Variants in DPP6 observed in about 807,000 individuals in gnomAD.
DPP6 encodes A-type potassium channel modulatory protein DPP6.
Under a neutral mutation model 122.6 loss-of-function variants are expected in DPP6, and 69 were observed. The observed-to-expected ratio is 0.56, with a 90% CI of 0.46 to 0.69. The LOEUF (loss-of-function observed/expected upper bound fraction) is 0.69. Among genes scored for constraint, DPP6 ranks in the 30% least tolerant of loss-of-function variants. The pLI, the probability that DPP6 is intolerant of heterozygous loss-of-function variation, is 0.00. For synonymous variants in DPP6, 418 were observed against 433.1 expected (o/e 0.97, Z 0.43); for missense variants, 928 against 1,116.9 (o/e 0.83, Z 2.41).
At chr7:153,999,056 C>T (rs955836955) in intron 1 of DPP6, among the ~76,000 whole-genome samples, 1 of 152,250 alleles carries the variant, frequency 6.6e-6, no homozygotes, top group Non-Finnish European at 1.5e-5. Flanking sequence ...TAAGCCCCAT[C>T]ATGCCCCTGT....
chr7:154,011,421 T>G (rs1435005633), intron 1 of DPP6, among the ~76,000 whole-genome samples: 1 of 152,190 alleles, frequency 6.6e-6, no homozygotes, highest in African/African-American at 2.4e-5. Context: ...TTTGGGCCGT[T>G]CCATTGCACA....
At chr7:154,801,285 T>A in intron 12 of DPP6, 70 bp from the exon 13 acceptor site, 1 of 1,543,732 alleles carries the variant, frequency 6.5e-7, no homozygotes, top group South Asian at 1.2e-5. Context: ...GGGTGTATTT[T>A]ATCCTGGTTC....
intron 1 of DPP6, among the ~76,000 whole-genome samples, chr7:154,082,965 C>T (rs970644568): frequency 6.0e-5 from 9 of 151,098 alleles, no homozygotes; most frequent in Non-Finnish European, 1.3e-4. Context: ...TCTCCTGCCT[C>T]AGCCTCCCAA....
chr7:154,557,514 C>T (rs76027425), intron 4 of DPP6, among the ~76,000 whole-genome samples: 4,297 of 152,112 alleles, frequency 0.028, 85 homozygotes, highest in African/African-American at 0.049. Flanking sequence ...ACCCAGTCAC[C>T]GTTAGGCACT....
rs199787820 is a variant in DPP6 at position 154,889,510 on chromosome 7, A to G, written c.2431A>G (p.Lys811Glu). Residue 811 changes from lysine to glutamate, a missense_variant, in exon 25 of 26, where the codon AAG becomes GAG. Physicochemically the swap from Lys to Glu is moderately conservative, Grantham distance 56. Transcript: ENST00000377770. Reference sequence around the variant, plus strand: ...ACTCATTACACAACTAATTAGGGGAAAGGCTAATTACAGCTTACAGGTACA... The same window carrying G: ...ACTCATTACACAACTAATTAGGGGAGAGGCTAATTACAGCTTACAGGTACA... ...AELITQLIRGKANYSLQIYPD... is the reference protein window; with the variant it reads ...AELITQLIRGEANYSLQIYPD... The G allele has an allele frequency of 1.5e-4, 236 of 1,609,984 alleles. No homozygotes were observed. Among genetic ancestry groups the G allele is most frequent in the Non-Finnish European group, 3.3e-5 (39 of 1,178,394 alleles).
intron 1 of DPP6, among the ~76,000 whole-genome samples, chr7:154,023,366 T>C (rs543617655): frequency 1.5e-3 from 154 of 101,566 alleles, no homozygotes; most frequent in African/African-American, 7.1e-3. Flanking sequence ...ACACACTTCT[T>C]AAGTCTGCAT....
At chr7:154,208,769 TA>T (rs879580101) in intron 1 of DPP6, among the ~76,000 whole-genome samples, 347 of 142,206 alleles carry the variant, frequency 2.4e-3, no homozygotes, top group Admixed American at 2.7e-3. Context: ...GGAATTGAAG[TA>T]AAAAAAAAAA....
In DPP6 at chr7:154,893,451, T is replaced by TAAAAAAAAAAAAAAAAAA. The variant is rs775016101; in HGVS notation, c.*971_*972insAAAAAAAAAAAAAAAAAA. On this transcript the variant is annotated 3_prime_UTR_variant, in exon 26 of 26. Coordinates refer to ENST00000377770, the MANE Select transcript of DPP6 (RefSeq NM_130797.4). Reference sequence around the variant, plus strand: ...CAAGCTCTTTCCCATGACATTTGGTTTAAAAAAAAAAAAAAAAAAAAAAAA... The same window carrying TAAAAAAAAAAAAAAAAAA: ...CAAGCTCTTTCCCATGACATTTGGTTAAAAAAAAAAAAAAAAAATAAAAAAAAAAAAAAAAAAAAAAAA... 2.3e-4 allele frequency: 14 copies of TAAAAAAAAAAAAAAAAAA among 61,330 alleles called. 3 individuals carry two copies. Among genetic ancestry groups the TAAAAAAAAAAAAAAAAAA allele is most frequent in the African/African-American group, 6.5e-4 (13 of 19,888 alleles). The allele number at this position is 61,330 out of a possible 1,614,324, so 3.8% of individuals were successfully genotyped here. A position where few individuals can be genotyped will look rare whatever the true frequency, so the allele number is the denominator to read the frequency against.
intron 1 of DPP6, among the ~76,000 whole-genome samples, chr7:153,917,978 A>C (rs1338629406): frequency 6.6e-6 from 1 of 152,230 alleles, no homozygotes; most frequent in Non-Finnish European, 1.5e-5. Flanking sequence ...TTGATTATTT[A>C]GGATGTTTTC....
At chr7:154,786,526 T>A (rs981943091) in intron 10 of DPP6, among the ~76,000 whole-genome samples, 2 of 152,130 alleles carry the variant, frequency 1.3e-5, no homozygotes, top group Non-Finnish European at 2.9e-5. Flanking sequence ...TATAAGGGGC[T>A]TTTTCCCCTT....
chr7:154,887,804 T>A, intron 23 of DPP6, 70 bp downstream of exon 23: 1 of 1,559,118 alleles, frequency 6.4e-7, no homozygotes. Flanking sequence ...CAGCCTGCCC[T>A]GGCTGTATGG....
intron 1 of DPP6, among the ~76,000 whole-genome samples, chr7:154,082,485 T>C (rs973815595): frequency 1.3e-5 from 2 of 151,552 alleles, no homozygotes; most frequent in African/African-American, 4.9e-5. Flanking sequence ...CAGTGAGGAG[T>C]AGCAAGAAGT....
At chr7:154,583,977 A>T (rs1392531159) in intron 5 of DPP6, among the ~76,000 whole-genome samples, 1 of 152,108 alleles carries the variant, frequency 6.6e-6, no homozygotes, top group Non-Finnish European at 1.5e-5. Context: ...CAGCATCGCC[A>T]TCCCCCTGCC....
chr7:154,206,793 A>G (rs939041765), intron 1 of DPP6, among the ~76,000 whole-genome samples: 3 of 152,216 alleles, frequency 2.0e-5, no homozygotes, highest in Admixed American at 6.5e-5. Context: ...AATGTACTAA[A>G]TAGATGACAT....
At chr7:154,105,425 C>A (rs1181377210) in intron 1 of DPP6, among the ~76,000 whole-genome samples, 2 of 152,318 alleles carry the variant, frequency 1.3e-5, no homozygotes, top group East Asian at 1.9e-4. Flanking sequence ...TGACCAGAGC[C>A]TTGGCTGCAA....
At chr7:154,674,246 G>A (rs1362023111) in intron 7 of DPP6, among the ~76,000 whole-genome samples, 1 of 152,142 alleles carries the variant, frequency 6.6e-6, no homozygotes, top group African/African-American at 2.4e-5. Context: ...GTTTATGGGA[G>A]GTTTTGTTTC....
intron 2 of DPP6, among the ~76,000 whole-genome samples, chr7:154,454,809 A>G (rs1820686327): frequency 6.6e-6 from 1 of 152,148 alleles, no homozygotes; most frequent in African/African-American, 2.4e-5. Flanking sequence ...AAACATTTGG[A>G]TATGTTGTAT....
chr7:154,420,840 T>C (rs1218741638), intron 1 of DPP6, among the ~76,000 whole-genome samples: 3 of 152,188 alleles, frequency 2.0e-5, no homozygotes, highest in African/African-American at 7.2e-5. Context: ...TCAATTTTTT[T>C]TCCAAAAAAT....
intron 4 of DPP6, among the ~76,000 whole-genome samples, chr7:154,559,819 C>T (rs1474188782): frequency 6.6e-6 from 1 of 151,556 alleles, no homozygotes; most frequent in Non-Finnish European, 1.5e-5. Context: ...GCAGAAGGAT[C>T]CCTTGAGCCT....
Sources: allele counts gnomAD v4.1 joint callset (sites outside exome capture counted in the v4.1 genomes callset), GRCh38; gene constraint gnomAD v4.1.1; transcripts MANE v1.5; gene names NCBI Gene and HGNC (gene_info 2026-07-23, HGNC 2026-07-21).